The following CADPS2 variants were observed in gnomAD, a reference collection of about 807,000 sequenced individuals.
CADPS2 encodes calcium dependent secretion activator 2, also known as calcium-dependent secretion activator 2.
In CADPS2, 93 loss-of-function variants were observed where a neutral mutation model predicts 172.5. That is an observed-to-expected ratio of 0.54 (90% CI 0.46 to 0.64). The LOEUF (loss-of-function observed/expected upper bound fraction) is 0.64. CADPS2 is among the 30% of genes least tolerant of loss of function. CADPS2 has a pLI of 0.00. For synonymous variants in CADPS2, 546 were observed against 555.2 expected (o/e 0.98, Z 0.23); for missense variants, 1,420 against 1,565.9 (o/e 0.91, Z 1.57).
intron 27 of CADPS2, among the ~76,000 whole-genome samples, chr7:122,359,665 G>A (rs1041059494): frequency 6.6e-6 from 1 of 151,978 alleles, no homozygotes; most frequent in Non-Finnish European, 1.5e-5. Flanking sequence ...TCCCTTTCAT[G>A]CTGCTGCTTT....
rs10244718 is a variant in CADPS2 at position 122,560,469 on chromosome 7, A to C, written c.1336-5780T>G. On this transcript the variant is annotated intron_variant, in intron 7 of 29. Coordinates refer to ENST00000449022, the MANE Select transcript of CADPS2 (RefSeq NM_017954.11). ...AATTCCCCTCTCTCTAGCTACATACATCTCAGAGATGAGTCATGTGACTCA... is the reference window on the plus strand; with the variant it reads ...AATTCCCCTCTCTCTAGCTACATACCTCTCAGAGATGAGTCATGTGACTCA... Among the ~76,000 whole-genome samples the C allele has an allele frequency of 3.3e-3, 503 of 152,312 alleles. 4 individuals are homozygous for C. The highest frequency in any genetic ancestry group is 0.012 in the African/African-American group (485 of 41,572).
chr7:122,834,366 C>T (rs938414870), intron 1 of CADPS2, among the ~76,000 whole-genome samples: 6 of 152,110 alleles, frequency 3.9e-5, no homozygotes, highest in Non-Finnish European at 5.9e-5. Flanking sequence ...CCAGCGTGAG[C>T]GACACGGGTA....
At position 122,345,618 on chromosome 7, in the gene CADPS2, G is replaced by A. The variant is rs200528100; in HGVS notation, c.3568C>T (p.Arg1190Ter). The A allele has an allele frequency of 2.5e-6, 4 of 1,612,950 alleles. No homozygotes were observed. The highest frequency in any genetic ancestry group is 1.3e-5 in the African/African-American group (1 of 74,866). Residue 1190 changes from arginine to a stop codon, truncating the protein, a stop_gained, in exon 28 of 30, where the codon CGA becomes TGA. Transcript: ENST00000449022. LOFTEE classifies it high-confidence loss of function. Reference protein sequence around the residue: ...MFVRQNQDILREKVNEEMYIE... With the variant: ...MFVRQNQDIL ...TACATTTCCTCATTGACCTTTTCTC[G>A]AAGAATATCTTGGTTTTGCCGAACA...
At chr7:122,828,323 C>A (rs890408190) in intron 1 of CADPS2, among the ~76,000 whole-genome samples, 2 of 151,936 alleles carry the variant, frequency 1.3e-5, no homozygotes, top group East Asian at 3.9e-4. Flanking sequence ...AAGGGAGTTT[C>A]CTGTAAGCAA....
At chr7:122,491,444 C>T (rs1317303532) in intron 9 of CADPS2, 24 bp from the exon 10 acceptor site, 1 of 1,343,648 alleles carries the variant, frequency 7.4e-7, no homozygotes, top group African/African-American at 1.5e-5. Context: ...AAAAAGTTTA[C>T]AGATTAGTCA....
intron 11 of CADPS2, among the ~76,000 whole-genome samples, chr7:122,482,319 T>C (rs1454847022): frequency 3.3e-5 from 5 of 152,126 alleles, no homozygotes; most frequent in Non-Finnish European, 7.3e-5. Flanking sequence ...AGAGATATTT[T>C]TGGTTGTCTG....
At chr7:122,541,186 G>T (rs2062878564) in intron 8 of CADPS2, among the ~76,000 whole-genome samples, 1 of 150,946 alleles carries the variant, frequency 6.6e-6, no homozygotes, top group African/African-American at 2.4e-5. Flanking sequence ...TTTTAAACTG[G>T]TATTATGAGA....
At chr7:122,739,968 T>C (rs1045110096) in intron 1 of CADPS2, among the ~76,000 whole-genome samples, 2 of 152,072 alleles carry the variant, frequency 1.3e-5, no homozygotes, top group African/African-American at 4.8e-5. Flanking sequence ...ATGAATGGTG[T>C]TAAAATAATA....
intron 29 of CADPS2, 53 bp from the exon 30 acceptor site, chr7:122,320,391 A>G (rs907200359): frequency 1.9e-5 from 26 of 1,398,872 alleles, no homozygotes; most frequent in Admixed American, 1.3e-4. Context: ...ATGCGTGTAC[A>G]TAGATATATA....
chr7:122,323,537 A>C (rs1039842386), intron 29 of CADPS2, among the ~76,000 whole-genome samples: 2 of 152,028 alleles, frequency 1.3e-5, no homozygotes, highest in African/African-American at 4.8e-5. Context: ...AGTATATAAA[A>C]ATTTTTACTT....
intron 1 of CADPS2, among the ~76,000 whole-genome samples, chr7:122,815,842 G>A (rs1028812201): frequency 6.6e-6 from 1 of 151,930 alleles, no homozygotes; most frequent in African/African-American, 2.4e-5. Context: ...GAAAAGACAA[G>A]GAAGTTCTGC....
chr7:122,817,199 G>C (rs1170181547), intron 1 of CADPS2, among the ~76,000 whole-genome samples: 2 of 152,310 alleles, frequency 1.3e-5, no homozygotes, highest in East Asian at 3.9e-4. Flanking sequence ...TGACTCGGAT[G>C]GGGGGACCTC....
At chr7:122,582,862 C>T (rs2069038310) in intron 6 of CADPS2, among the ~76,000 whole-genome samples, 2 of 152,108 alleles carry the variant, frequency 1.3e-5, no homozygotes, top group South Asian at 2.1e-4. Flanking sequence ...TTTTTAAAAT[C>T]CTCCCCATAA....
chr7:122,326,380 TGTCA>T (rs1203458231), intron 28 of CADPS2, among the ~76,000 whole-genome samples: 2 of 152,132 alleles, frequency 1.3e-5, no homozygotes, highest in African/African-American at 2.4e-5. Context: ...CCTATATGTC[TGTCA>T]GTCTAGTAAA....
chr7:122,375,041 T>C (rs2042187037), intron 25 of CADPS2, among the ~76,000 whole-genome samples: 3 of 152,038 alleles, frequency 2.0e-5, no homozygotes, highest in Non-Finnish European at 4.4e-5. Context: ...CTGAAGACAT[T>C]AAAGCAGACA....
chr7:122,591,415 G>A (rs946139547), intron 6 of CADPS2, among the ~76,000 whole-genome samples: 3 of 152,006 alleles, frequency 2.0e-5, no homozygotes, highest in African/African-American at 7.2e-5. Flanking sequence ...TAATGCCCAA[G>A]GTAATTTATA....
chr7:122,677,063 T>G (rs2082450000), intron 2 of CADPS2, among the ~76,000 whole-genome samples: 1 of 152,138 alleles, frequency 6.6e-6, no homozygotes, highest in Non-Finnish European at 1.5e-5. Context: ...AACCATTTGT[T>G]CAATAAATGT....
At chr7:122,861,758 T>C (rs1817008055) in intron 1 of CADPS2, among the ~76,000 whole-genome samples, 1 of 152,280 alleles carries the variant, frequency 6.6e-6, no homozygotes, top group Non-Finnish European at 1.5e-5. Flanking sequence ...GCACTATGCG[T>C]ATATATTGAA....
chr7:122,551,558 T>C (rs1008139086), intron 8 of CADPS2, among the ~76,000 whole-genome samples: 1 of 152,088 alleles, frequency 6.6e-6, no homozygotes, highest in Non-Finnish European at 1.5e-5. Context: ...GACGTCCACA[T>C]TATTAAAACA....
Sources: allele counts gnomAD v4.1 joint callset (sites outside exome capture counted in the v4.1 genomes callset), GRCh38; gene constraint gnomAD v4.1.1; transcripts MANE v1.5; gene names NCBI Gene and HGNC (gene_info 2026-07-23, HGNC 2026-07-21).